TCF4: variants seen among roughly 807,000 people sequenced by gnomAD.
The protein encoded by TCF4 is transcription factor 4.
In TCF4, 3 loss-of-function variants were observed where a neutral mutation model predicts 82.1. The ratio of observed to expected loss-of-function variants is 0.04; its 90% CI spans 0.02 to 0.09. The LOEUF is 0.09. TCF4 is among the 10% of genes least tolerant of loss of function. The probability of loss-of-function intolerance (pLI) is 1.00; values close to 1 mark genes in which losing one functional copy is unlikely to be tolerated. For missense variants in TCF4, 518 were observed against 852.7 expected (o/e 0.61, Z 4.89); for synonymous variants, 276 against 309.6 (o/e 0.89, Z 1.14).
In TCF4 at chr18:55,223,888, T is replaced by A. The variant is rs1181729766; in HGVS notation, c.*4147A>T. The A allele has an allele frequency of 6.6e-6, 1 of 152,212 alleles. No homozygotes were observed. The highest frequency in any genetic ancestry group is 6.6e-5 in the Admixed American group (1 of 15,240). 9.4% of individuals were successfully genotyped at this position (152,212 alleles called of 1,614,324 possible). A position where few individuals can be genotyped will look rare whatever the true frequency, so the allele number is the denominator to read the frequency against. ...CTTGGTAACACATGGTAAAATAACA[T>A]CTTTTAAATAGTAAAATAAAGTAAC... On this transcript the variant is annotated 3_prime_UTR_variant, in exon 20 of 20. Transcript: ENST00000354452.
At chr18:55,284,159 T>C (rs1283154750) in intron 8 of TCF4, 1 of 152,088 alleles carries the variant, frequency 6.6e-6, no homozygotes, top group Non-Finnish European at 1.5e-5. Context: ...ATGCGTGTAA[T>C]CCCAGCACTT....
intron 6 of TCF4, among the ~76,000 whole-genome samples, chr18:55,376,195 T>C (rs1471539730): frequency 6.6e-6 from 1 of 151,910 alleles, no homozygotes; most frequent in Non-Finnish European, 1.5e-5. Flanking sequence ...GTTTTGTCTT[T>C]TTCTATTTTT....
intron 3 of TCF4, chr18:55,469,592 C>T (rs894812631): frequency 6.6e-6 from 1 of 152,220 alleles, no homozygotes; most frequent in African/African-American, 2.4e-5. Flanking sequence ...TGCGATTTCC[C>T]ATCCACATTC....
intron 3 of TCF4, among the ~76,000 whole-genome samples, chr18:55,527,230 T>C (rs1156326266): frequency 6.6e-6 from 1 of 152,092 alleles, no homozygotes; most frequent in Non-Finnish European, 1.5e-5. Context: ...CGCCTTCACA[T>C]ACATGTCTAC....
At chr18:55,352,638 A>G (rs932241851) in intron 6 of TCF4, among the ~76,000 whole-genome samples, 1 of 152,188 alleles carries the variant, frequency 6.6e-6, no homozygotes, top group Non-Finnish European at 1.5e-5. Context: ...TGCATGCTCA[A>G]CTATTGCCTC....
chr18:55,443,596 T>G (rs1371942294), intron 5 of TCF4, among the ~76,000 whole-genome samples: 3 of 152,230 alleles, frequency 2.0e-5, no homozygotes, highest in African/African-American at 7.2e-5. Flanking sequence ...CAGTTAACTA[T>G]CAGTCAATGG....
At position 55,401,390 on chromosome 18, in the gene TCF4, G is replaced by A. The variant is rs2093808586; in HGVS notation, c.369+2064C>T. The A allele has an allele frequency of 2.7e-6, 3 of 1,100,662 alleles. No homozygotes were observed. In the South Asian group the frequency reaches 7.5e-5, roughly 27 times the overall value. 68.2% of individuals were successfully genotyped at this position (1,100,662 alleles called of 1,614,324 possible). A position where few individuals can be genotyped will look rare whatever the true frequency, so the allele number is the denominator to read the frequency against. On this transcript the variant is annotated intron_variant, in intron 6 of 19. Coordinates refer to ENST00000354452, the MANE Select transcript of TCF4 (RefSeq NM_001083962.2). ...CATGAAGCACAAATTAAGAATGAAG[G>A]AATCTCCACACTCCACGGCTACATT...
At chr18:55,548,016 T>C (rs1369008341) in intron 3 of TCF4, among the ~76,000 whole-genome samples, 1 of 152,238 alleles carries the variant, frequency 6.6e-6, no homozygotes, top group Non-Finnish European at 1.5e-5. Context: ...CCAGCTTCTA[T>C]GTGTTCAGAT....
At chr18:55,257,489 A>G in intron 13 of TCF4, 98 bp from the exon 14 acceptor site, 1 of 1,160,354 alleles carries the variant, frequency 8.6e-7, no homozygotes, top group Non-Finnish European at 1.3e-6. Flanking sequence ...AATGGCAATG[A>G]TGATTTTCAT....
intron 6 of TCF4, among the ~76,000 whole-genome samples, chr18:55,391,953 A>AAC (rs2093143591): frequency 1.9e-5 from 2 of 107,004 alleles, no homozygotes; most frequent in African/African-American, 4.1e-5. Context: ...AAAAAAAAAA[A>AAC]TCTTTTTTTT....
At chr18:55,630,539 G>C (rs1039135831) in intron 2 of TCF4, among the ~76,000 whole-genome samples, 4 of 152,168 alleles carry the variant, frequency 2.6e-5, no homozygotes, top group Admixed American at 2.0e-4. Flanking sequence ...AATCATTATA[G>C]GCTGATTTCT....
chr18:55,555,572 T>C (rs2097296534), intron 3 of TCF4, among the ~76,000 whole-genome samples: 1 of 152,320 alleles, frequency 6.6e-6, no homozygotes, highest in East Asian at 1.9e-4. Flanking sequence ...ACACTGTACA[T>C]AATGCATTCC....
chr18:55,559,329 A>G (rs1008376347), intron 3 of TCF4, among the ~76,000 whole-genome samples: 5 of 152,096 alleles, frequency 3.3e-5, no homozygotes, highest in Admixed American at 3.3e-4. Context: ...TATAATTAAA[A>G]TAAGTTCCTG....
chr18:55,629,660 T>C (rs1045717435), intron 2 of TCF4, among the ~76,000 whole-genome samples: 2 of 152,202 alleles, frequency 1.3e-5, no homozygotes, highest in Admixed American at 1.3e-4. Context: ...TGTGGAGCTA[T>C]AGTATTGTGC....
At chr18:55,454,962 A>C (rs2095706654) in intron 5 of TCF4, among the ~76,000 whole-genome samples, 2 of 152,180 alleles carry the variant, frequency 1.3e-5, no homozygotes, top group East Asian at 3.9e-4. Flanking sequence ...TGAAGCAGGC[A>C]GATCACTTCA....
At chr18:55,463,170 G>A (rs997752769) in intron 4 of TCF4, among the ~76,000 whole-genome samples, 1 of 152,154 alleles carries the variant, frequency 6.6e-6, no homozygotes, top group Non-Finnish European at 1.5e-5. Context: ...TTAATCTGGG[G>A]CATTGTATGT....
At chr18:55,408,927 T>C (rs2094218657) in intron 5 of TCF4, among the ~76,000 whole-genome samples, 1 of 152,210 alleles carries the variant, frequency 6.6e-6, no homozygotes, top group Non-Finnish European at 1.5e-5. Context: ...GAAAGTGTCT[T>C]ATAGGCAATG....
chr18:55,263,710 T>C (rs1015904951), intron 11 of TCF4, among the ~76,000 whole-genome samples: 4 of 151,592 alleles, frequency 2.6e-5, no homozygotes, highest in African/African-American at 9.7e-5. Context: ...TGTATTACCA[T>C]GGTATTTGGG....
chr18:55,406,880 C>A (rs1308725511), intron 5 of TCF4, among the ~76,000 whole-genome samples: 1 of 152,208 alleles, frequency 6.6e-6, no homozygotes, highest in Non-Finnish European at 1.5e-5. Context: ...TACTAGAATG[C>A]GACAGCCGCT....
Sources: allele counts gnomAD v4.1 joint callset (sites outside exome capture counted in the v4.1 genomes callset), GRCh38; gene constraint gnomAD v4.1.1; transcripts MANE v1.5; gene names NCBI Gene and HGNC (gene_info 2026-07-23, HGNC 2026-07-21).